MRPS27: variants seen among roughly 807,000 people sequenced by gnomAD.
MRPS27 encodes the protein small ribosomal subunit protein mS27.
A neutral mutation model predicts 48.9 loss-of-function variants in MRPS27; 43 were observed. The observed-to-expected ratio is 0.88, with a 90% CI of 0.69 to 1.13. MRPS27 has a LOEUF of 1.13. Among genes scored for constraint, MRPS27 ranks in the 50% most tolerant of loss-of-function variants. The pLI, the probability that MRPS27 is intolerant of heterozygous loss-of-function variation, is 0.00. For synonymous variants in MRPS27, 188 were observed against 171.9 expected (o/e 1.09, Z -0.73); for missense variants, 467 against 476.3 (o/e 0.98, Z 0.18).
chr5:72,297,670 C>A lies in MRPS27; in HGVS notation c.184G>T (p.Glu62Ter). 1 of 1,602,018 alleles carries A rather than the reference C, an allele frequency of 6.2e-7. No homozygotes were observed. The highest frequency in any genetic ancestry group is 8.5e-7 in the Non-Finnish European group (1 of 1,174,706). Residue 62 changes from glutamate (E) to a stop codon, truncating the protein, a stop_gained, in exon 3 of 11, where the codon GAG becomes TAG. Transcript: ENST00000261413. LOFTEE classifies it high-confidence loss of function. Reference protein sequence around the residue: ...DLASLMDKTFERKLPVSSLTI... With the variant: ...DLASLMDKTF ...AAAGAACTAACAGGCAACTTTCTCT[C>A]AAATGTTTTATCCATTAAAGATGCA...
At chr5:72,297,291 C>T (rs1410487011) in intron 3 of MRPS27, among the ~76,000 whole-genome samples, 1 of 152,086 alleles carries the variant, frequency 6.6e-6, no homozygotes, top group Non-Finnish European at 1.5e-5. Flanking sequence ...ACCAAAAACA[C>T]TTCCAATACT....
In MRPS27 at chr5:72,252,970, A is replaced by G. The variant is rs560252170; in HGVS notation, c.282-14842T>C. 4.6e-5 allele frequency among the ~76,000 whole-genome samples: 7 copies of G among 152,294 alleles called. No individual in the cohort carries two copies. The South Asian group carries it at 1.5e-3, about 32-fold the overall frequency. On this transcript the variant is annotated intron_variant, in intron 4 of 10. Transcript: ENST00000261413. ...GTCCTTCTGGCTCACTCTCTCCAGA[A>G]AGAAAACAACCACTCCTCTGCTAGA...
chr5:72,293,968 C>A (rs921515300), intron 4 of MRPS27, among the ~76,000 whole-genome samples: 17 of 152,168 alleles, frequency 1.1e-4, no homozygotes, highest in African/African-American at 4.1e-4. Flanking sequence ...GGCCACCTCT[C>A]ATCAAGGGGT....
At chr5:72,303,465 G>A (rs1485656730) in intron 2 of MRPS27, among the ~76,000 whole-genome samples, 1 of 152,056 alleles carries the variant, frequency 6.6e-6, no homozygotes, top group African/African-American at 2.4e-5. Flanking sequence ...TGTATGATGA[G>A]ACAATGATGA....
At chr5:72,234,679 T>G (rs1408698700) in intron 5 of MRPS27, among the ~76,000 whole-genome samples, 7 of 152,216 alleles carry the variant, frequency 4.6e-5, no homozygotes, top group Non-Finnish European at 1.0e-4. Context: ...GTTTCTAGAA[T>G]GTTGTGTCAT....
chr5:72,248,589 T>C (rs1716963049), intron 4 of MRPS27, among the ~76,000 whole-genome samples: 1 of 147,056 alleles, frequency 6.8e-6, no homozygotes, highest in East Asian at 2.0e-4. Flanking sequence ...TTCCTAAGTA[T>C]GAGTCATAGG....
intron 4 of MRPS27, among the ~76,000 whole-genome samples, chr5:72,288,513 G>A (rs1749734329): frequency 6.6e-6 from 1 of 152,192 alleles, no homozygotes; most frequent in East Asian, 1.9e-4. Context: ...CCCGGCCATG[G>A]AGGCCAAGAA....
chr5:72,259,790 T>G (rs918377498), intron 4 of MRPS27, among the ~76,000 whole-genome samples: 8 of 152,194 alleles, frequency 5.3e-5, no homozygotes, highest in Non-Finnish European at 1.2e-4. Flanking sequence ...TAGAATAAAT[T>G]CCTTTAAAAA....
chr5:72,299,495 T>C lies in MRPS27; in HGVS notation c.152-1793A>G, dbSNP rs370080303. 4.6e-5 allele frequency among the ~76,000 whole-genome samples: 7 copies of C among 152,250 alleles called. No individual in the cohort carries two copies. In the East Asian group the frequency reaches 9.6e-4, roughly 21 times the overall value. ...CTTACGCATTTATTCCTTTTGTATT[T>C]TGAAATATATTAGCTATATATCAGG... On this transcript the variant is annotated intron_variant, in intron 2 of 10. Coordinates refer to ENST00000261413, the MANE Select transcript of MRPS27 (RefSeq NM_015084.3).
intron 1 of MRPS27, among the ~76,000 whole-genome samples, chr5:72,315,248 TAA>T (rs962276497): frequency 1.3e-5 from 2 of 149,576 alleles, no homozygotes; most frequent in Non-Finnish European, 3.0e-5. Flanking sequence ...AACTCAAAAA[TAA>T]AAAAAAAGAC....
At chr5:72,319,639 G>A (rs189667406) in intron 1 of MRPS27, among the ~76,000 whole-genome samples, 21 of 148,530 alleles carry the variant, frequency 1.4e-4, no homozygotes, top group African/African-American at 5.0e-4. Context: ...CGCCTCCCGA[G>A]TTCAAGCGAT....
chr5:72,250,399 G>T (rs540470989), intron 4 of MRPS27, among the ~76,000 whole-genome samples: 1 of 152,298 alleles, frequency 6.6e-6, no homozygotes, highest in South Asian at 2.1e-4. Context: ...GTCTGATAGA[G>T]AACTGAACCA....
At chr5:72,252,550 G>T (rs2111985384) in intron 4 of MRPS27, among the ~76,000 whole-genome samples, 1 of 152,238 alleles carries the variant, frequency 6.6e-6, no homozygotes, top group African/African-American at 2.4e-5. Context: ...TGAAATTGAA[G>T]GGGATTAAAA....
Position 72,264,914 on chromosome 5 carries a change from C to T in MRPS27, c.282-26786G>A, listed in dbSNP as rs534984689. ...AACTAAAAAATAATGGAAAAAACAA[C>T]GGAGGAAGTACGCTTAGAGAAGGAA... On this transcript the variant is annotated intron_variant, in intron 4 of 10. Coordinates refer to ENST00000261413, the MANE Select transcript of MRPS27 (RefSeq NM_015084.3). Among the ~76,000 whole-genome samples the T allele has an allele frequency of 3.9e-5, 6 of 152,160 alleles. 1 individual carries two copies. The highest frequency in any genetic ancestry group is 4.1e-4 in the South Asian group (2 of 4,820).
intron 4 of MRPS27, among the ~76,000 whole-genome samples, chr5:72,247,231 T>C (rs183978595): frequency 3.1e-4 from 47 of 152,282 alleles, no homozygotes; most frequent in African/African-American, 1.1e-3. Context: ...AAAACACAGC[T>C]TACGGGCCAA....
intron 4 of MRPS27, among the ~76,000 whole-genome samples, chr5:72,265,578 T>G (rs1419387169): frequency 1.3e-5 from 2 of 152,192 alleles, no homozygotes; most frequent in African/African-American, 4.8e-5. Flanking sequence ...ATATGTGACA[T>G]CAAGAACAGG....
At chr5:72,248,147 A>G (rs1327985261) in intron 4 of MRPS27, among the ~76,000 whole-genome samples, 1 of 152,224 alleles carries the variant, frequency 6.6e-6, no homozygotes, top group East Asian at 1.9e-4. Context: ...ATTTAGCTCA[A>G]GCTAGTCTCT....
Position 72,220,762 on chromosome 5 carries a change from TG to T in MRPS27, c.*146del. ...TTCTTGGCATCTCGATGGGCAGTCATGGTGCCTTGCCATGTAGGGCACATAG... is the reference window on the plus strand; with the variant it reads ...TTCTTGGCATCTCGATGGGCAGTCATGTGCCTTGCCATGTAGGGCACATAG... On this transcript the variant is annotated 3_prime_UTR_variant, in exon 11 of 11. Coordinates refer to ENST00000261413, the MANE Select transcript of MRPS27 (RefSeq NM_015084.3). 8.3e-7 allele frequency: 1 copy of T among 1,198,338 alleles called. No individual in the cohort carries two copies. Among genetic ancestry groups the T allele is most frequent in the Non-Finnish European group, 1.2e-6 (1 of 852,818 alleles). The allele number at this position is 1,198,338 out of a possible 1,614,324, so 74.2% of individuals were successfully genotyped here. A position where few individuals can be genotyped will look rare whatever the true frequency, so the allele number is the denominator to read the frequency against.
chr5:72,290,139 G>C (rs1473462947), intron 4 of MRPS27, among the ~76,000 whole-genome samples: 2 of 152,106 alleles, frequency 1.3e-5, no homozygotes, highest in Non-Finnish European at 2.9e-5. Flanking sequence ...GAGACATAGA[G>C]CCCGCCCCAA....
Sources: allele counts gnomAD v4.1 joint callset (sites outside exome capture counted in the v4.1 genomes callset), GRCh38; gene constraint gnomAD v4.1.1; transcripts MANE v1.5; gene names NCBI Gene and HGNC (gene_info 2026-07-23, HGNC 2026-07-21).